Variants in SATB1 observed in about 807,000 individuals in gnomAD.
The protein encoded by SATB1 is SATB homeobox 1.
A neutral mutation model predicts 86.9 loss-of-function variants in SATB1; 11 were observed. That is an observed-to-expected ratio of 0.13 (90% confidence interval 0.08 to 0.21). SATB1 has a LOEUF of 0.21. Among genes scored for constraint, SATB1 ranks in the 10% least tolerant of loss-of-function variants. The pLI is 1.00. For missense variants in SATB1, 551 were observed against 937.6 expected, an observed-to-expected ratio of 0.59 and a Z score of 5.39; for synonymous variants, 357 against 357.2, an observed-to-expected ratio of 1.00 and a Z score of 0.01.
chr3:18,398,160 C>T (rs1186196475), intron 5 of SATB1, among the ~76,000 whole-genome samples: 1 of 152,094 alleles, frequency 6.6e-6, no homozygotes, highest in Non-Finnish European at 1.5e-5. Flanking sequence ...AGCCCTTTAA[C>T]ATACAAAAAT....
At chr3:18,434,683 G>C (rs908019624) in intron 2 of SATB1, among the ~76,000 whole-genome samples, 3 of 151,690 alleles carry the variant, frequency 2.0e-5, no homozygotes, top group African/African-American at 7.3e-5. Context: ...AGCAGGATCA[G>C]GTTCCGTATC....
At chr3:18,355,661 CAACAAAACAA>C (rs573699778) in intron 9 of SATB1, among the ~76,000 whole-genome samples, 2 of 151,612 alleles carry the variant, frequency 1.3e-5, no homozygotes, top group Admixed American at 6.6e-5. Context: ...AAAAAAACAC[CAACAAAACAA>C]AACAAAACAT....
chr3:18,361,748 C>T (rs1363081751), intron 9 of SATB1, among the ~76,000 whole-genome samples: 1 of 152,114 alleles, frequency 6.6e-6, no homozygotes, highest in Non-Finnish European at 1.5e-5. Flanking sequence ...ATAATGTTTA[C>T]ATTCATATTA....
upstream of SATB1, among the ~76,000 whole-genome samples, chr3:18,425,695 C>G (rs527907830): frequency 1.5e-3 from 221 of 151,598 alleles, no homozygotes; most frequent in African/African-American, 5.0e-3. Flanking sequence ...CGCCGGCCGC[C>G]GCCAGACGCG....
chr3:18,356,205 T>C (rs982348691), intron 9 of SATB1, among the ~76,000 whole-genome samples: 8 of 151,926 alleles, frequency 5.3e-5, no homozygotes, highest in Non-Finnish European at 1.0e-4. Context: ...TTATGTATTG[T>C]AAACCTACAT....
rs771743677 is a variant in SATB1, at chr3:18,376,589, G to GA, written c.1575+1580dup. Among the ~76,000 whole-genome samples, 836 of 147,726 alleles carry GA rather than the reference G, an allele frequency of 5.7e-3. 22 individuals are homozygous for GA. The highest frequency in any genetic ancestry group is 0.042 in the South Asian group (191 of 4,584). ...GGGTGGGCAAGTAGGTGGGGGGGGG[G>GA]AGTGAGACCAGGACATTTCTCTTAA... On this transcript the variant is annotated intron_variant, in intron 9 of 10. Transcript: ENST00000338745.
At position 18,386,498 on chromosome 3, in the gene SATB1, T is replaced by C; in HGVS notation, c.1320A>G (p.Arg440=). 1 of 1,614,174 alleles carries C rather than the reference T, an allele frequency of 6.2e-7. No homozygotes were observed. ...QNFLQLPEAE[R]DRIYQDERER... is the part of the protein sequence containing the mutation. ...CCCTTTCGTCCTGGTATATTCGGTC[T>C]CTTTCAGCTTCCGGTAACTGCAAGA... Residue 440 remains arginine (R), a synonymous_variant, in exon 8 of 11, where the codon AGA becomes AGG. Transcript: ENST00000338745. This position sits in a 1 kb window ranked among gnomAD's most constrained non-coding sequence, Gnocchi z 4.5.
At chr3:18,360,573 G>A (rs937066870) in intron 9 of SATB1, among the ~76,000 whole-genome samples, 1 of 151,296 alleles carries the variant, frequency 6.6e-6, no homozygotes, top group African/African-American at 2.4e-5. Flanking sequence ...TTCAAGACAC[G>A]CTCAAGCACT....
chr3:18,357,005 C>T (rs1326899032), intron 9 of SATB1, among the ~76,000 whole-genome samples: 2 of 151,654 alleles, frequency 1.3e-5, no homozygotes, highest in African/African-American at 4.8e-5. Context: ...TGTACATATA[C>T]ATTTTAAAAC....
At chr3:18,438,263 T>C (rs1056250761) in intron 1 of SATB1, among the ~76,000 whole-genome samples, 5 of 152,212 alleles carry the variant, frequency 3.3e-5, no homozygotes, top group Non-Finnish European at 7.3e-5. Flanking sequence ...ACTACATGCC[T>C]AGCTTCCAGG....
chr3:18,399,301 C>G (rs764623346), intron 5 of SATB1, among the ~76,000 whole-genome samples: 3 of 152,148 alleles, frequency 2.0e-5, no homozygotes, highest in Admixed American at 6.5e-5. Flanking sequence ...AGATGGCAGA[C>G]AGCCTCTGCC....
chr3:18,417,510 A>C, intron 2 of SATB1: 1 of 605,900 alleles, frequency 1.7e-6, no homozygotes, highest in South Asian at 2.0e-5. Context: ...TTTTGTTAAT[A>C]ATAAACTTTT....
intron 1 of SATB1, chr3:18,445,178 G>C (rs1249403585): frequency 5.2e-6 from 5 of 968,536 alleles, no homozygotes; most frequent in Non-Finnish European, 6.1e-6. Flanking sequence ...GGGGCGGCCA[G>C]GGCCCGGCCC....
upstream of SATB1, among the ~76,000 whole-genome samples, chr3:18,429,415 G>A (rs764412023): frequency 2.6e-5 from 4 of 152,342 alleles, no homozygotes; most frequent in African/African-American, 7.2e-5. The surrounding 1 kb of genome is among the most constrained non-coding windows in gnomAD (Gnocchi z 4.1). Flanking sequence ...ATCTGTGACC[G>A]ACATCATTAC....
intron 8 of SATB1, among the ~76,000 whole-genome samples, chr3:18,382,834 T>C (rs1197275252): frequency 6.6e-6 from 1 of 152,220 alleles, no homozygotes; most frequent in Non-Finnish European, 1.5e-5. Flanking sequence ...CTTTTCCCTT[T>C]CTAAAATAAG....
rs564141224 is a variant in SATB1 at position 18,352,053 on chromosome 3, G to A, written c.1718C>T (p.Ala573Val). 1.7e-5 allele frequency: 27 copies of A among 1,614,222 alleles called. No homozygotes were observed. Among genetic ancestry groups the A allele is most frequent in the South Asian group, 6.6e-5 (6 of 91,088 alleles). Reference sequence around the variant, plus strand: ...CGGCCTGTCGCCATGGTGATGCACCGCGTTGCTCTCCTGTTCATAAATGGC... The same window carrying A: ...CGGCCTGTCGCCATGGTGATGCACCACGTTGCTCTCCTGTTCATAAATGGC... ...RDAIYEQESN[A>V]VHHHGDRPPH... The change falls in exon 10 of 11, where the codon GCG (alanine) becomes GTG (valine). Residue 573 changes from alanine to valine, a missense_variant. This residue lies in a region of SATB1 where 110 missense variants were observed against 212.2 expected (regional missense o/e 0.52). Coordinates refer to ENST00000338745, the MANE Select transcript of SATB1 (RefSeq NM_002971.6). The surrounding 1 kb of genome is among the most constrained non-coding windows in gnomAD (Gnocchi z 4.1).
chr3:18,440,367 A>T (rs1699207419), upstream of SATB1, among the ~76,000 whole-genome samples: 1 of 152,332 alleles, frequency 6.6e-6, no homozygotes, highest in South Asian at 2.1e-4. Flanking sequence ...GGGAAATGAT[A>T]AGAAAAACTC....
chr3:18,391,371 TTTACA>T (rs1696659449), intron 7 of SATB1, among the ~76,000 whole-genome samples: 2 of 120,430 alleles, frequency 1.7e-5, no homozygotes, highest in South Asian at 4.9e-4. Context: ...ATGTACATAT[TTTACA>T]TTAATTTTTT....
chr3:18,416,361 A>C (rs1424911319), intron 3 of SATB1, among the ~76,000 whole-genome samples: 4 of 152,138 alleles, frequency 2.6e-5, no homozygotes, highest in African/African-American at 9.7e-5. Context: ...TATTTTGGAA[A>C]TAAAACCCCA....
Sources: gnomAD v4.1 joint callset for allele counts (sites outside exome capture counted in the v4.1 genomes callset) on GRCh38, gnomAD v4.1.1 for gene constraint, gnomAD v4.1.1 regional missense constraint, Gnocchi (gnomAD v3.1) non-coding constraint, MANE v1.5 for transcripts, NCBI Gene and HGNC (gene_info 2026-07-23, HGNC 2026-07-21) for gene names.